Variants in TG observed in about 807,000 individuals in gnomAD.
The protein encoded by TG is thyroglobulin.
In TG, 270 loss-of-function variants were observed where a neutral mutation model predicts 324.7. The ratio of observed to expected loss-of-function variants is 0.83; its 90% confidence interval spans 0.75 to 0.92. TG has a LOEUF of 0.92. Among genes scored for constraint, TG ranks in the 40% least tolerant of loss-of-function variants. The pLI is 0.00. For missense variants in TG, 3,591 were observed against 3,456.4 expected (o/e 1.04, Z -0.98); for synonymous variants, 1,401 against 1,327.0 (o/e 1.06, Z -1.21).
Position 132,956,580 on chromosome 8 carries a change from T to C in TG, c.5402-4428T>C, listed in dbSNP as rs571002345. 2.6e-5 allele frequency among the ~76,000 whole-genome samples: 4 copies of C among 152,230 alleles called. No individual in the cohort carries two copies. The South Asian group carries it at 8.3e-4, about 32-fold the overall frequency. On this transcript the variant is annotated intron_variant, in intron 27 of 47. Transcript: ENST00000220616. ...GGTTCTAGGCAGAGAGAAAAAGGCA[T>C]GCAACGACGCAGAGGCCTGACAGCA...
chr8:133,107,993 T>C (rs1225905358), intron 43 of TG, among the ~76,000 whole-genome samples: 5 of 83,422 alleles, frequency 6.0e-5, no homozygotes, highest in African/African-American at 2.1e-4. Flanking sequence ...TTTTTTTTTT[T>C]TTTTTTTTGA....
chr8:132,871,651 G>A (rs1839492660), intron 4 of TG, 100 bp downstream of exon 4: 1 of 1,188,988 alleles, frequency 8.4e-7, no homozygotes, highest in South Asian at 1.5e-5. Flanking sequence ...GAAGTGGGCA[G>A]AGAACCAGGC....
chr8:133,046,669 C>T (rs1452140054), intron 41 of TG: 1 of 152,232 alleles, frequency 6.6e-6, no homozygotes, highest in Non-Finnish European at 1.5e-5. Context: ...GCCAGGCCAG[C>T]TTAGGAGTTT....
At chr8:133,000,417 T>G (rs1833344624) in intron 35 of TG, among the ~76,000 whole-genome samples, 2 of 152,166 alleles carry the variant, frequency 1.3e-5, no homozygotes, top group African/African-American at 4.8e-5. Flanking sequence ...GTTCAGGTGG[T>G]AAAACTGTTC....
chr8:132,897,775 AC>A lies in TG; in HGVS notation c.3129del (p.His1043GlnfsTer10). ...GGAAGTTGGGAGCCTGTGCAGTGCC[AC>A]GCTGGGACTGGTAAGGAGGGATAGG... ...AFGSWEPVQC[H>X]AGTGHCWCVD... On this transcript the variant is annotated frameshift_variant, in exon 12 of 48. Coordinates refer to ENST00000220616, the MANE Select transcript of TG (RefSeq NM_003235.5). LOFTEE classifies it high-confidence loss of function. The A allele has an allele frequency of 6.2e-7, 1 of 1,614,184 alleles. No individual in the cohort carries two copies. The highest frequency in any genetic ancestry group is 8.5e-7 in the Non-Finnish European group (1 of 1,180,022).
intron 41 of TG, among the ~76,000 whole-genome samples, chr8:133,066,875 TG>T (rs1220350448): frequency 6.6e-6 from 1 of 152,228 alleles, no homozygotes; most frequent in African/African-American, 2.4e-5. Context: ...GTGCAGGGGC[TG>T]GGGGGTTGGC....
intron 5 of TG, among the ~76,000 whole-genome samples, chr8:132,878,670 A>G (rs1325596738): frequency 6.6e-6 from 1 of 151,822 alleles, no homozygotes; most frequent in Non-Finnish European, 1.5e-5. Context: ...AGAGGCTGCG[A>G]ATGTTGGGTC....
intron 41 of TG, among the ~76,000 whole-genome samples, chr8:133,089,495 G>A (rs1429669450): frequency 5.9e-5 from 9 of 152,114 alleles, no homozygotes; most frequent in African/African-American, 1.9e-4. Context: ...CTCATTGCCC[G>A]TTGCCTAAAG....
intron 41 of TG, among the ~76,000 whole-genome samples, chr8:133,069,496 C>T (rs192174031): frequency 3.4e-4 from 51 of 149,680 alleles, no homozygotes; most frequent in African/African-American, 1.2e-3. Context: ...TAATGTGCTC[C>T]TCCTTAGCTC....
At chr8:132,920,413 CTGG>C (rs1820942024) in intron 21 of TG, among the ~76,000 whole-genome samples, 1 of 152,120 alleles carries the variant, frequency 6.6e-6, no homozygotes, top group Non-Finnish European at 1.5e-5. Flanking sequence ...GGGCAGTTTC[CTGG>C]TCAGGAAAGC....
chr8:133,036,142 C>T (rs947464664), intron 41 of TG, among the ~76,000 whole-genome samples: 1 of 152,236 alleles, frequency 6.6e-6, no homozygotes, highest in Non-Finnish European at 1.5e-5. Context: ...AGGCTGTTTG[C>T]TGCTCATCTT....
At position 133,129,975 on chromosome 8, in the gene TG, T is replaced by C. The variant is rs530349299; in HGVS notation, c.7863-1837T>C. The stretch of plus-strand genomic sequence containing the variant: ...CCCACAAGTTAAGGACTCCCACTCT[T>C]AAGCTTTCAGATGTCTCTCTCAGTT... On this transcript the variant is annotated intron_variant, in intron 45 of 47. Transcript: ENST00000220616. Among the ~76,000 whole-genome samples, 30 of 152,314 alleles carry C rather than the reference T, an allele frequency of 2.0e-4. 1 individual carries two copies. The South Asian group carries it at 6.0e-3, about 31-fold the overall frequency.
chr8:133,058,515 C>A (rs370975497), intron 41 of TG, among the ~76,000 whole-genome samples: 1 of 152,176 alleles, frequency 6.6e-6, no homozygotes, highest in Non-Finnish European at 1.5e-5. Flanking sequence ...CCCCTCTGCC[C>A]CAGGCTGAGA....
intron 41 of TG, among the ~76,000 whole-genome samples, chr8:133,085,439 A>G (rs1381405103): frequency 6.6e-6 from 1 of 152,214 alleles, no homozygotes; most frequent in Non-Finnish European, 1.5e-5. Context: ...GGGAGAAAAT[A>G]TTTGCAAATT....
chr8:132,962,545 G>T (rs1827910039), intron 28 of TG, among the ~76,000 whole-genome samples: 1 of 152,184 alleles, frequency 6.6e-6, no homozygotes, highest in South Asian at 2.1e-4. Context: ...AGGCTCACTC[G>T]CTTTCATGGA....
chr8:132,918,241 C>G (rs903456554), intron 20 of TG, among the ~76,000 whole-genome samples: 1 of 152,148 alleles, frequency 6.6e-6, no homozygotes, highest in Non-Finnish European at 1.5e-5. Flanking sequence ...AGTTCTAGCT[C>G]TCTCATTTCT....
intron 2 of TG, 52 bp downstream of exon 2, chr8:132,868,275 C>G: frequency 1.3e-6 from 2 of 1,515,524 alleles, no homozygotes; most frequent in Non-Finnish European, 1.8e-6. Flanking sequence ...CCATAAAAAG[C>G]ATCTTGTGCC....
chr8:132,982,355 A>G (rs1830979076), intron 34 of TG, among the ~76,000 whole-genome samples: 7 of 152,190 alleles, frequency 4.6e-5, no homozygotes, highest in Admixed American at 4.6e-4. Context: ...GTACCGTCCT[A>G]GTTTGGGCCA....
intron 35 of TG, among the ~76,000 whole-genome samples, chr8:132,993,616 A>G (rs979919527): frequency 5.3e-5 from 8 of 152,292 alleles, no homozygotes; most frequent in Non-Finnish European, 2.9e-5. Context: ...CAGTTGTGCT[A>G]TGCACAACCT....
Sources: gnomAD v4.1 joint callset for allele counts (sites outside exome capture counted in the v4.1 genomes callset) on GRCh38, gnomAD v4.1.1 for gene constraint, MANE v1.5 for transcripts, NCBI Gene and HGNC (gene_info 2026-07-23, HGNC 2026-07-21) for gene names.